ANLN: variants seen among roughly 807,000 people sequenced by gnomAD.
ANLN encodes anillin.
In ANLN, 59 loss-of-function variants were observed where a neutral mutation model predicts 135.1. The ratio of observed to expected loss-of-function variants is 0.44; its 90% CI spans 0.35 to 0.54. ANLN has a LOEUF of 0.54. ANLN is among the 20% of genes least tolerant of loss of function. The pLI is 0.00. For missense variants in ANLN, 1,182 were observed against 1,340.0 expected (o/e 0.88, Z 1.84); for synonymous variants, 406 against 456.4 (o/e 0.89, Z 1.41).
intron 21 of ANLN, 34 bp downstream of exon 21, chr7:36,439,324 T>A: frequency 8.2e-7 from 1 of 1,221,914 alleles, no homozygotes; most frequent in South Asian, 1.4e-5. Flanking sequence ...AACTTCCTTT[T>A]TTCCATTTTG....
At chr7:36,424,012 A>T in intron 15 of ANLN, 69 bp downstream of exon 15, 1 of 1,468,860 alleles carries the variant, frequency 6.8e-7, no homozygotes, top group African/African-American at 1.4e-5. Flanking sequence ...AGTCTAAAGC[A>T]TTCAGGTGGC....
At chr7:36,423,001 A>G (rs1234292840) in intron 14 of ANLN, among the ~76,000 whole-genome samples, 192 bp downstream of exon 14, 2 of 152,186 alleles carry the variant, frequency 1.3e-5, no homozygotes, top group South Asian at 2.1e-4. Context: ...CTACACAATA[A>G]TGGACATTGC....
intron 3 of ANLN, among the ~76,000 whole-genome samples, chr7:36,400,358 TTTTTC>T (rs1208869287): frequency 6.6e-6 from 1 of 152,060 alleles, no homozygotes; most frequent in Non-Finnish European, 1.5e-5. Flanking sequence ...AAGCATTTCT[TTTTTC>T]TTTTCTTTTT....
At chr7:36,443,966 C>A (rs2116803158) in intron 22 of ANLN, 104 bp downstream of exon 22, 2 of 765,516 alleles carry the variant, frequency 2.6e-6, no homozygotes, top group Admixed American at 2.7e-5. Context: ...AAATTAATAA[C>A]CCTTTTTGTG....
In ANLN at chr7:36,452,777, GTCAT is replaced by G. The variant is rs1307046925; in HGVS notation, c.*182_*185del. The stretch of plus-strand genomic sequence containing the variant: ...GTATGTAAAACTTTAACTGATTTCT[GTCAT>G]TCATCAATGAGTAGAAGTAAATACA... On this transcript the variant is annotated 3_prime_UTR_variant, in exon 24 of 24. Transcript: ENST00000265748. 1 of 611,256 alleles carries G rather than the reference GTCAT, an allele frequency of 1.6e-6. No homozygotes were observed. The highest frequency in any genetic ancestry group is 2.6e-6 in the Non-Finnish European group (1 of 380,594). The allele number at this position is 611,256 out of a possible 1,614,324, so 37.9% of individuals were successfully genotyped here.
intron 2 of ANLN, among the ~76,000 whole-genome samples, chr7:36,397,526 C>T (rs980446787): frequency 6.6e-6 from 1 of 152,008 alleles, no homozygotes; most frequent in Non-Finnish European, 1.5e-5. Flanking sequence ...AAAGCAGGAA[C>T]ACTTTCAAAA....
At chr7:36,395,300 C>T (rs1052371933) in intron 1 of ANLN, among the ~76,000 whole-genome samples, 63 of 152,282 alleles carry the variant, frequency 4.1e-4, no homozygotes, top group Admixed American at 1.8e-3. Context: ...AATCTGTTTC[C>T]TAACTTTTCT....
rs915806876 is a variant in ANLN at position 36,407,630 on chromosome 7, T to C, written c.874-104T>C. ...AGCAAAATCATTTCATTTTCATAAA[T>C]CTTACATAAAGGCTATCAAGTAAAT... On this transcript the variant is annotated intron_variant, in intron 4 of 23. Transcript: ENST00000265748. The C allele has an allele frequency of 6.0e-6, 5 of 838,154 alleles. No homozygotes were observed. The African/African-American group carries it at 8.5e-5, about 14-fold the overall frequency. 51.9% of individuals were successfully genotyped at this position (838,154 alleles called of 1,614,324 possible).
chr7:36,393,440 G>A (rs185403698), intron 1 of ANLN, among the ~76,000 whole-genome samples: 3 of 152,198 alleles, frequency 2.0e-5, no homozygotes, highest in African/African-American at 7.2e-5. Flanking sequence ...GGAGAAGCTG[G>A]AACAGGGATT....
At chr7:36,424,355 G>A (rs1374305418) in intron 15 of ANLN, among the ~76,000 whole-genome samples, 190 bp from the exon 16 acceptor site, 2 of 152,134 alleles carry the variant, frequency 1.3e-5, no homozygotes, top group Non-Finnish European at 2.9e-5. Flanking sequence ...ATTGTGAGTT[G>A]TAAAACACGG....
At chr7:36,425,810 G>T in intron 18 of ANLN, 70 bp downstream of exon 18, 1 of 1,495,176 alleles carries the variant, frequency 6.7e-7, no homozygotes, top group Non-Finnish European at 9.2e-7. Flanking sequence ...TTTTAAATTG[G>T]TTAACCATTT....
rs201882388 is a variant in ANLN at position 36,407,949 on chromosome 7, G to A, written c.1089G>A (p.Thr363=). The A allele has an allele frequency of 5.2e-5, 83 of 1,611,246 alleles. No individual in the cohort carries two copies. In the African/African-American group the frequency reaches 8.6e-4, roughly 17 times the overall value. The part of the protein sequence containing the change: ...CLQSQSKDKS[T]TPGGTGIKPF... Reference sequence around the variant, plus strand: ...AATCTCAATCTAAAGACAAATCTACGACACCAGGTTACGTATTTATAAAAA... The same window carrying A: ...AATCTCAATCTAAAGACAAATCTACAACACCAGGTTACGTATTTATAAAAA... The change falls in exon 5 of 24, where the codon ACG becomes ACA. Residue 363 remains threonine (T), a synonymous_variant. Coordinates refer to ENST00000265748, the MANE Select transcript of ANLN (RefSeq NM_018685.5).
At chr7:36,413,948 C>T (rs1044445053) in intron 7 of ANLN, among the ~76,000 whole-genome samples, 6 of 151,268 alleles carry the variant, frequency 4.0e-5, no homozygotes, top group East Asian at 3.9e-4. Context: ...GAGCCGAGAT[C>T]GCACCACTGC....
At chr7:36,408,154 C>T (rs368213840) in intron 5 of ANLN, among the ~76,000 whole-genome samples, 198 bp downstream of exon 5, 1 of 152,174 alleles carries the variant, frequency 6.6e-6, no homozygotes, top group South Asian at 2.1e-4. Flanking sequence ...GGTTAAAGGA[C>T]TTAATATGTT....
intron 20 of ANLN, among the ~76,000 whole-genome samples, chr7:36,436,443 G>C (rs1488945022): frequency 5.3e-5 from 8 of 152,136 alleles, no homozygotes; most frequent in Admixed American, 5.2e-4. Flanking sequence ...TGCATGATTT[G>C]AGTACCTGTT....
intron 1 of ANLN, among the ~76,000 whole-genome samples, chr7:36,394,568 C>T (rs1428642984): frequency 6.6e-6 from 1 of 152,050 alleles, no homozygotes; most frequent in Non-Finnish European, 1.5e-5. Context: ...ATTATTTTTT[C>T]AGTGATTAGA....
chr7:36,421,371 A>T (rs11974810), intron 12 of ANLN, among the ~76,000 whole-genome samples: 8,593 of 151,662 alleles, frequency 0.057, 531 homozygotes, highest in African/African-American at 0.16. Flanking sequence ...CCTGGCTTTT[A>T]AAAAAAATAT....
chr7:36,430,056 G>A (rs530471277), intron 20 of ANLN, among the ~76,000 whole-genome samples: 2 of 152,244 alleles, frequency 1.3e-5, no homozygotes, highest in African/African-American at 4.8e-5. Flanking sequence ...GCAAATATTT[G>A]TTCCAATTGC....
At chr7:36,429,467 C>T (rs1187564962) in intron 20 of ANLN, among the ~76,000 whole-genome samples, 5 of 152,268 alleles carry the variant, frequency 3.3e-5, no homozygotes, top group Admixed American at 2.0e-4. Flanking sequence ...GCGATCTGCT[C>T]GCCTTGGTCT....
Sources: allele counts gnomAD v4.1 joint callset (sites outside exome capture counted in the v4.1 genomes callset), GRCh38; gene constraint gnomAD v4.1.1; transcripts MANE v1.5; gene names NCBI Gene and HGNC (gene_info 2026-07-23, HGNC 2026-07-21).